Variants in HNRNPUL2 observed in about 807,000 individuals in gnomAD.
The protein encoded by HNRNPUL2 is heterogeneous nuclear ribonucleoprotein U-like protein 2.
Under a neutral mutation model 102.2 loss-of-function variants are expected in HNRNPUL2, and 27 were observed. That is an observed-to-expected ratio of 0.26 (90% CI 0.19 to 0.36). The LOEUF (loss-of-function observed/expected upper bound fraction) is 0.36. HNRNPUL2 is among the 10% of genes least tolerant of loss of function. The pLI, the probability that HNRNPUL2 is intolerant of heterozygous loss-of-function variation, is 1.00. For missense variants in HNRNPUL2, 936 were observed against 981.1 expected, an observed-to-expected ratio of 0.95 and a Z score of 0.61; for synonymous variants, 458 against 387.2, an observed-to-expected ratio of 1.18 and a Z score of -2.15.
chr11:62,718,694 T>TTAAAA, intron 10 of HNRNPUL2, among the ~76,000 whole-genome samples: 1 of 119,616 alleles, frequency 8.4e-6, no homozygotes, highest in Non-Finnish European at 1.7e-5. Context: ...ACTCTGTCTT[T>TTAAAA]AAAAAAAAAA....
At chr11:62,716,544 T>C (rs1422608420) in intron 11 of HNRNPUL2, among the ~76,000 whole-genome samples, 3 of 152,194 alleles carry the variant, frequency 2.0e-5, no homozygotes, top group Non-Finnish European at 2.9e-5. Flanking sequence ...GGTTAAGTTC[T>C]TCCCCCCACA....
chr11:62,726,483 A>G, intron 1 of HNRNPUL2, 136 bp downstream of exon 1: 3 of 869,048 alleles, frequency 3.5e-6, no homozygotes, highest in Non-Finnish European at 5.0e-6. Context: ...AGGTGGGTAG[A>G]GAATGAAAGG....
Position 62,714,910 on chromosome 11 carries a change from T to G in HNRNPUL2, c.*389A>C, listed in dbSNP as rs1421468647. 5.3e-6 allele frequency: 1 copy of G among 187,060 alleles called. No individual in the cohort carries two copies. The highest frequency in any genetic ancestry group is 2.4e-5 in the African/African-American group (1 of 41,834). 11.6% of individuals were successfully genotyped at this position (187,060 alleles called of 1,614,324 possible). A position where few individuals can be genotyped will look rare whatever the true frequency, so the allele number is the denominator to read the frequency against. Reference sequence around the variant, plus strand: ...CACCACCTCATCACTCTCCTTTACTTGGCTGCCAGTCCAGCTGCCTCAGAA... The same window carrying G: ...CACCACCTCATCACTCTCCTTTACTGGGCTGCCAGTCCAGCTGCCTCAGAA... On this transcript the variant is annotated 3_prime_UTR_variant, in exon 14 of 14. Coordinates refer to ENST00000301785, the MANE Select transcript of HNRNPUL2 (RefSeq NM_001079559.3).
intron 10 of HNRNPUL2, among the ~76,000 whole-genome samples, chr11:62,717,598 G>A (rs1344965542): frequency 6.6e-6 from 1 of 152,242 alleles, no homozygotes; most frequent in African/African-American, 2.4e-5. Context: ...GCTCACGCCT[G>A]TAATCCCAGC....
At position 62,716,993 on chromosome 11, in the gene HNRNPUL2, G is replaced by A; in HGVS notation, c.1977C>T (p.Gly659=). The A allele has an allele frequency of 1.2e-6, 2 of 1,612,726 alleles. No homozygotes were observed. Among genetic ancestry groups the A allele is most frequent in the Non-Finnish European group, 1.7e-6 (2 of 1,179,942 alleles). ...RNRQNRSRGQ[G]YVGGQRRGYD... ...TGGCAGGTCCCCAAGACTCACCATA[G>A]CCTTGGCCCCGGCTTCGGTTCTGCC... The change falls in exon 11 of 14, where the codon GGC becomes GGT. Residue 659 remains glycine, a synonymous_variant. Coordinates refer to ENST00000301785, the MANE Select transcript of HNRNPUL2 (RefSeq NM_001079559.3).
At chr11:62,721,792 A>G in intron 8 of HNRNPUL2, 28 bp downstream of exon 8, 1 of 1,612,240 alleles carries the variant, frequency 6.2e-7, no homozygotes, top group Non-Finnish European at 8.5e-7. Context: ...CAAATACTGT[A>G]TCCGACAAAT....
rs1309733844 is a variant in HNRNPUL2, at chr11:62,726,826, G to C, written c.331C>G (p.Pro111Ala). The C allele has an allele frequency of 6.3e-7, 1 of 1,590,576 alleles. No homozygotes were observed. Among genetic ancestry groups the C allele is most frequent in the Non-Finnish European group, 8.5e-7 (1 of 1,175,394 alleles). The change falls in exon 1 of 14, where the codon CCG becomes GCG. Residue 111 changes from proline (P) to alanine (A), a missense_variant. This residue lies in a region of HNRNPUL2 where 327 missense variants were observed against 268.1 expected (regional missense o/e 1.22). Transcript: ENST00000301785. ...QALGQAAQPP[P>A]EPPEAAAMEA... Reference sequence around the variant, plus strand: ...ATGGCTGCCGCCTCCGGGGGCTCCGGCGGCGGCTGCGCGGCCTGACCCAAG... The same window carrying C: ...ATGGCTGCCGCCTCCGGGGGCTCCGCCGGCGGCTGCGCGGCCTGACCCAAG...
At chr11:62,716,363 A>G (rs1000417515) in intron 11 of HNRNPUL2, among the ~76,000 whole-genome samples, 2 of 152,226 alleles carry the variant, frequency 1.3e-5, no homozygotes, top group East Asian at 1.9e-4. Flanking sequence ...GGGAACTGTC[A>G]GCATTTACAG....
In HNRNPUL2 at chr11:62,726,926, C is replaced by T; in HGVS notation, c.231G>A (p.Glu77=). The change falls in exon 1 of 14, where the codon GAG becomes GAA. Residue 77 remains glutamate, a synonymous_variant. Transcript: ENST00000301785. ...SGGGPGGDEE[E]DEEEEEEDEE... ...CGTCCTCCTCCTCCTCCTCTTCGTCCTCCTCCTCGTCCCCGCCCGGGCCGC... is the reference window on the plus strand; with the variant it reads ...CGTCCTCCTCCTCCTCCTCTTCGTCTTCCTCCTCGTCCCCGCCCGGGCCGC... 2 of 1,519,138 alleles carry T rather than the reference C, an allele frequency of 1.3e-6. No homozygotes were observed. The highest frequency in any genetic ancestry group is 1.8e-6 in the Non-Finnish European group (2 of 1,142,822). 94.1% of individuals were successfully genotyped at this position (1,519,138 alleles called of 1,614,324 possible).
chr11:62,721,558 T>C (rs921766931), intron 8 of HNRNPUL2, 135 bp from the exon 9 acceptor site: 47 of 906,816 alleles, frequency 5.2e-5, no homozygotes, highest in Non-Finnish European at 7.7e-5. Flanking sequence ...CATTCTTCAG[T>C]GCTGTGAATG....
intron 11 of HNRNPUL2, 21 bp from the exon 12 acceptor site, chr11:62,715,958 G>A (rs376392244): frequency 4.0e-5 from 63 of 1,564,452 alleles, no homozygotes; most frequent in Admixed American, 1.3e-4. Flanking sequence ...AATGGAGAGC[G>A]CGCTCAGACA....
rs2083645344 is a variant in HNRNPUL2, at chr11:62,714,656, C to G, written c.*643G>C. On this transcript the variant is annotated 3_prime_UTR_variant, in exon 14 of 14. Transcript: ENST00000301785. ...GCCTCAGCCAAACAGCACAAAGGCA[C>G]AGGAAAATGGAGAGTTGGGACACTG... 6.6e-6 allele frequency: 1 copy of G among 152,340 alleles called. No individual in the cohort carries two copies. Among genetic ancestry groups the G allele is most frequent in the African/African-American group, 2.4e-5 (1 of 41,438 alleles). The allele number at this position is 152,340 out of a possible 1,614,324, so 9.4% of individuals were successfully genotyped here. A position where few individuals can be genotyped will look rare whatever the true frequency, so the allele number is the denominator to read the frequency against.
rs752974683 is a variant in HNRNPUL2 at position 62,715,317 on chromosome 11, C to A, written c.2226G>T (p.Gly742=). The change falls in exon 14 of 14, where the codon GGG becomes GGT. Residue 742 remains glycine, a synonymous_variant. Coordinates refer to ENST00000301785, the MANE Select transcript of HNRNPUL2 (RefSeq NM_001079559.3). ...DRDRYYRNYY[G]YQGYR is the part of the protein sequence containing the mutation. The stretch of plus-strand genomic sequence containing the variant: ...AGGGGCTTCACCGATACCCTTGGTA[C>A]CCGTAGTAATTCCTGTAGTATCGGT... 1 of 1,612,916 alleles carries A rather than the reference C, an allele frequency of 6.2e-7. No homozygotes were observed. The highest frequency in any genetic ancestry group is 1.7e-5 in the Admixed American group (1 of 59,936).
intron 10 of HNRNPUL2, 140 bp downstream of exon 10, chr11:62,719,883 A>G (rs528281310): frequency 2.2e-4 from 165 of 757,312 alleles, no homozygotes; most frequent in Non-Finnish European, 3.2e-4. Context: ...TGATGCAGCA[A>G]GAAGGACCTC....
rs1448020344 is a variant in HNRNPUL2 at position 62,723,669 on chromosome 11, A to G, written c.809T>C (p.Phe270Ser). The G allele has an allele frequency of 1.2e-6, 2 of 1,614,080 alleles. No individual in the cohort carries two copies. The highest frequency in any genetic ancestry group is 1.7e-6 in the Non-Finnish European group (2 of 1,180,036). The change falls in exon 4 of 14, where the codon TTC becomes TCC. Residue 270 changes from phenylalanine (F) to serine (S), a missense_variant. Phe to Ser is a radical substitution (Grantham distance 155, BLOSUM62 -2). Coordinates refer to ENST00000301785, the MANE Select transcript of HNRNPUL2 (RefSeq NM_001079559.3). Reference sequence around the variant, plus strand: ...CCAAAGGGTGGGGAACTTCTCTGAGAAAAGTGGCTGCCCTCCATAGCGGTC... The same window carrying G: ...CCAAAGGGTGGGGAACTTCTCTGAGGAAAGTGGCTGCCCTCCATAGCGGTC... ...SKDRYGGQPL[F>S]SEKFPTLWSG... is the part of the protein sequence containing the mutation.
intron 4 of HNRNPUL2, 113 bp downstream of exon 4, chr11:62,723,472 CAA>C: frequency 1.7e-6 from 2 of 1,152,022 alleles, no homozygotes; most frequent in Admixed American, 2.6e-5. Flanking sequence ...GCCTGGGTAA[CAA>C]GAGCGAAACT....
intron 9 of HNRNPUL2, 114 bp downstream of exon 9, chr11:62,721,181 C>T (rs2083699780): frequency 2.0e-6 from 2 of 996,660 alleles, no homozygotes; most frequent in Non-Finnish European, 3.0e-6. Flanking sequence ...AACATTGCAA[C>T]CATAACACAC....
chr11:62,723,833 T>G (rs2083723118), intron 3 of HNRNPUL2, 81 bp downstream of exon 3: 1 of 1,594,278 alleles, frequency 6.3e-7, no homozygotes, highest in East Asian at 2.2e-5. Context: ...CTCATAGAAT[T>G]TATAGGCTAT....
rs2083759315 is a variant in HNRNPUL2, at chr11:62,727,025, G to A, written c.132C>T (p.Asp44=). Residue 44 remains aspartate, a synonymous_variant, in exon 1 of 14, where the codon GAC becomes GAT. Transcript: ENST00000301785. The part of the protein sequence containing the change: ...QEALDAEMLE[D]EAGGGGAGPG... ...GCCCGGCCCCGCCGCCGCCGGCCTC[G>A]TCCTCGAGCATCTCGGCGTCCAGCG... is the stretch of plus-strand genomic sequence containing the variant. 2.2e-6 allele frequency: 3 copies of A among 1,391,578 alleles called. No homozygotes were observed. Among genetic ancestry groups the A allele is most frequent in the South Asian group, 1.5e-5 (1 of 65,454 alleles). 86.2% of individuals were successfully genotyped at this position (1,391,578 alleles called of 1,614,324 possible).
Sources: allele counts gnomAD v4.1 joint callset (sites outside exome capture counted in the v4.1 genomes callset), GRCh38; gene constraint gnomAD v4.1.1; regional missense constraint gnomAD v4.1.1; transcripts MANE v1.5; gene names NCBI Gene and HGNC (gene_info 2026-07-23, HGNC 2026-07-21).